XYLT1: variants seen among roughly 807,000 people sequenced by gnomAD.
XYLT1 encodes the protein xylosyltransferase 1.
Under a neutral mutation model 91.3 loss-of-function variants are expected in XYLT1, and 36 were observed. The ratio of observed to expected loss-of-function variants is 0.39; its 90% CI spans 0.30 to 0.52. The LOEUF is 0.52. Ranked by LOEUF, XYLT1 falls within the 20% of genes least tolerant of loss-of-function variation. XYLT1 has a pLI of 0.68. For missense variants in XYLT1, 1,242 were observed against 1,284.5 expected (o/e 0.97, Z 0.51); for synonymous variants, 588 against 532.0 (o/e 1.11, Z -1.45).
chr16:17,127,801 C>A lies in XYLT1; in HGVS notation c.2088G>T (p.Gln696His), dbSNP rs1459705274. The A allele has an allele frequency of 5.0e-6, 8 of 1,613,972 alleles. No individual in the cohort carries two copies. Among genetic ancestry groups the A allele is most frequent in the Non-Finnish European group, 6.8e-6 (8 of 1,180,028 alleles). ...TAGCATGATGCTTGATCAGAAAGCC[C>A]TGGAAGCGGTCAGCAAGGAAGTAGA... ...VHLYFLADRF[Q>H]GFLIKHHATN... Residue 696 changes from glutamine to histidine, a missense_variant, in exon 10 of 12, where the codon CAG becomes CAT. Physicochemically the swap from Gln to His is conservative, Grantham distance 24. Transcript: ENST00000261381.
At chr16:17,188,781 CACTT>C (rs58038900) in intron 5 of XYLT1, among the ~76,000 whole-genome samples, 158 of 152,338 alleles carry the variant, frequency 1.0e-3, no homozygotes, top group Middle Eastern at 3.4e-3. Flanking sequence ...TATATGGACT[CACTT>C]AGCCCTCAAA....
rs114620965 is a variant in XYLT1 at position 17,109,350 on chromosome 16, A to T, written c.2558-333T>A. The stretch of plus-strand genomic sequence containing the variant: ...CCAGGCATTCAGTCAACACATATTT[A>T]CTAAACACCCATGATCTGCAAGGCA... On this transcript the variant is annotated intron_variant, in intron 11 of 11. Transcript: ENST00000261381. Among the ~76,000 whole-genome samples the T allele has an allele frequency of 4.4e-3, 663 of 152,294 alleles. 1 individual carries two copies. The highest frequency in any genetic ancestry group is 0.015 in the African/African-American group (633 of 41,564).
At chr16:17,433,942 C>T (rs914976350) in intron 1 of XYLT1, among the ~76,000 whole-genome samples, 14 of 152,062 alleles carry the variant, frequency 9.2e-5, no homozygotes, top group African/African-American at 2.4e-4. Context: ...CAAGAGCAGG[C>T]AAACTACATC....
chr16:17,167,727 T>G (rs547218269), intron 5 of XYLT1, among the ~76,000 whole-genome samples: 58 of 151,890 alleles, frequency 3.8e-4, no homozygotes, highest in Non-Finnish European at 6.8e-4. Flanking sequence ...ATCTCGTGAA[T>G]GGATTCTAAC....
At chr16:17,123,223 G>A (rs1186170682) in intron 10 of XYLT1, among the ~76,000 whole-genome samples, 1 of 152,146 alleles carries the variant, frequency 6.6e-6, no homozygotes, top group East Asian at 1.9e-4. Flanking sequence ...ACATTTGCTT[G>A]TGTCATCTAT....
chr16:17,232,412 T>C (rs2141722629), intron 3 of XYLT1, among the ~76,000 whole-genome samples: 1 of 90,948 alleles, frequency 1.1e-5, no homozygotes, highest in East Asian at 4.6e-4. Context: ...TGTCTGTGTG[T>C]GTGTGTGTGT....
At chr16:17,230,927 G>A (rs980023998) in intron 3 of XYLT1, among the ~76,000 whole-genome samples, 1 of 152,184 alleles carries the variant, frequency 6.6e-6, no homozygotes, top group East Asian at 1.9e-4. Context: ...AGGCATCCAA[G>A]GGGCACAGGA....
chr16:17,467,756 A>T (rs2036918840), intron 1 of XYLT1, among the ~76,000 whole-genome samples: 1 of 152,170 alleles, frequency 6.6e-6, no homozygotes, highest in Non-Finnish European at 1.5e-5. Context: ...AATGCCCTAT[A>T]CACAATGCCT....
intron 3 of XYLT1, among the ~76,000 whole-genome samples, chr16:17,200,966 T>C (rs922143956): frequency 6.6e-6 from 1 of 152,192 alleles, no homozygotes. Context: ...CTATAAGAGA[T>C]GTATCTCTGA....
intron 2 of XYLT1, among the ~76,000 whole-genome samples, chr16:17,355,595 A>G (rs1372259818): frequency 3.3e-5 from 5 of 152,146 alleles, no homozygotes; most frequent in Non-Finnish European, 7.3e-5. Context: ...TCACAGTTTA[A>G]TATCTATTTT....
Position 17,470,619 on chromosome 16 carries a change from C to G in XYLT1, c.178G>C (p.Ala60Pro), listed in dbSNP as rs2036976281. ...AVGGGEQPPP[A>P]PAPRRERRDL... The stretch of plus-strand genomic sequence containing the variant: ...CGGCGCTCCCGGCGCGGGGCCGGGG[C>G]CGGGGGCGGCTGCTCCCCGCCGCCG... Residue 60 changes from alanine to proline, a missense_variant, in exon 1 of 12, where the codon GCC becomes CCC. Physicochemically the swap from Ala to Pro is conservative, Grantham distance 27. Coordinates refer to ENST00000261381, the MANE Select transcript of XYLT1 (RefSeq NM_022166.4). 16 of 1,122,590 alleles carry G rather than the reference C, an allele frequency of 1.4e-5. No individual in the cohort carries two copies. Among genetic ancestry groups the G allele is most frequent in the South Asian group, 3.9e-5 (1 of 25,332 alleles). 69.5% of individuals were successfully genotyped at this position (1,122,590 alleles called of 1,614,324 possible).
chr16:17,360,232 G>C (rs964760866), intron 1 of XYLT1, among the ~76,000 whole-genome samples: 10 of 152,182 alleles, frequency 6.6e-5, no homozygotes, highest in Non-Finnish European at 1.2e-4. Flanking sequence ...TATTGTCTGA[G>C]ACTTAATGCT....
intron 2 of XYLT1, among the ~76,000 whole-genome samples, chr16:17,337,232 G>A (rs1180819944): frequency 6.6e-6 from 1 of 152,148 alleles, no homozygotes; most frequent in Non-Finnish European, 1.5e-5. Context: ...CTGTCACCCA[G>A]GCTAAAGTGC....
intron 2 of XYLT1, among the ~76,000 whole-genome samples, chr16:17,340,454 T>C (rs2035050330): frequency 6.6e-6 from 1 of 152,242 alleles, no homozygotes; most frequent in Non-Finnish European, 1.5e-5. Flanking sequence ...GATCATTTCC[T>C]TACCCAGGAA....
intron 1 of XYLT1, among the ~76,000 whole-genome samples, chr16:17,399,686 C>A (rs1014829864): frequency 1.3e-5 from 2 of 152,194 alleles, no homozygotes; most frequent in Non-Finnish European, 2.9e-5. Flanking sequence ...ATTTTCATCC[C>A]CTTAACCTGC....
At chr16:17,286,006 T>A (rs569777514) in intron 2 of XYLT1, among the ~76,000 whole-genome samples, 9 of 151,736 alleles carry the variant, frequency 5.9e-5, no homozygotes, top group East Asian at 2.0e-4. Context: ...AATATCAACA[T>A]AAACAGCAGC....
intron 5 of XYLT1, among the ~76,000 whole-genome samples, chr16:17,187,256 T>A (rs1003613156): frequency 2.6e-5 from 4 of 151,426 alleles, no homozygotes; most frequent in Non-Finnish European, 5.9e-5. Flanking sequence ...TAGCCAGGCA[T>A]GGTGGCACGT....
chr16:17,234,684 A>C (rs911537128), intron 3 of XYLT1, among the ~76,000 whole-genome samples: 11 of 129,976 alleles, frequency 8.5e-5, no homozygotes, highest in Non-Finnish European at 1.8e-4. Context: ...CAGCAAACTG[A>C]GCCATGTGAT....
At chr16:17,445,703 T>C (rs2036583053) in intron 1 of XYLT1, 2 of 152,212 alleles carry the variant, frequency 1.3e-5, no homozygotes, top group Admixed American at 1.3e-4. Context: ...GGAGGGTCTA[T>C]TGTCTGAATC....
Sources: gnomAD v4.1 joint callset for allele counts (sites outside exome capture counted in the v4.1 genomes callset) on GRCh38, gnomAD v4.1.1 for gene constraint, MANE v1.5 for transcripts, NCBI Gene and HGNC (gene_info 2026-07-23, HGNC 2026-07-21) for gene names.